Variants in KMT2E observed in about 807,000 individuals in gnomAD.
KMT2E encodes the protein lysine methyltransferase 2E (inactive).
Under a neutral mutation model 184.6 loss-of-function variants are expected in KMT2E, and 30 were observed. The observed-to-expected ratio is 0.16, with a 90% CI of 0.12 to 0.22. The LOEUF is 0.22. KMT2E is among the 10% of genes least tolerant of loss of function. The probability of loss-of-function intolerance (pLI) is 1.00; values close to 1 mark genes in which losing one functional copy is unlikely to be tolerated. For synonymous variants in KMT2E, 815 were observed against 776.5 expected, an observed-to-expected ratio of 1.05 and a Z score of -0.82; for missense variants, 2,023 against 2,237.4, an observed-to-expected ratio of 0.90 and a Z score of 1.93.
intron 11 of KMT2E, 67 bp downstream of exon 11, chr7:105,077,500 TA>T: frequency 8.0e-7 from 1 of 1,255,404 alleles, no homozygotes; most frequent in Non-Finnish European, 1.1e-6. Context: ...CTGTTTTACC[TA>T]GATGTTGTGA....
At chr7:105,060,912 G>A (rs1385474563) in intron 3 of KMT2E, among the ~76,000 whole-genome samples, 1 of 152,130 alleles carries the variant, frequency 6.6e-6, no homozygotes, top group Non-Finnish European at 1.5e-5. Context: ...ATACCATCTA[G>A]GTTTGTGTAA....
rs1277723117 is a variant in KMT2E at position 105,110,841 on chromosome 7, T to G, written c.4041T>G (p.Thr1347=). 6.2e-7 allele frequency: 1 copy of G among 1,613,890 alleles called. No homozygotes were observed. Among genetic ancestry groups the G allele is most frequent in the Admixed American group, 1.7e-5 (1 of 60,020 alleles). The change falls in exon 26 of 27, where the codon ACT becomes ACG. Residue 1347 remains threonine (T), a synonymous_variant. Transcript: ENST00000311117. ...ECPSPDTSQN[T]CKSPPKMSKP... ...CATCCCCAGATACTTCTCAAAATAC[T>G]TGTAAAAGTCCTCCAAAAATGAGCA...
chr7:105,075,204 T>A (rs975009435), intron 8 of KMT2E, among the ~76,000 whole-genome samples: 3 of 150,410 alleles, frequency 2.0e-5, no homozygotes, highest in Non-Finnish European at 4.4e-5. Context: ...TTTTTTTTTT[T>A]AAACCTTGCT....
Position 105,076,037 on chromosome 7 carries a change from T to C in KMT2E, c.730-6T>C. The C allele has an allele frequency of 6.3e-7, 1 of 1,589,360 alleles. No individual in the cohort carries two copies. The highest frequency in any genetic ancestry group is 8.6e-7 in the Non-Finnish European group (1 of 1,158,120). On this transcript the variant is annotated splice_polypyrimidine_tract_variant and splice_region_variant and intron_variant, in intron 8 of 26. Coordinates refer to ENST00000311117, the MANE Select transcript of KMT2E (RefSeq NM_182931.3). ...GAAACTAACTAGAATTCCATGTTTA[T>C]TTTAGGCATTTCGTGAAGGATCTAG...
intron 1 of KMT2E, among the ~76,000 whole-genome samples, chr7:105,016,662 G>A (rs1232287238): frequency 6.6e-6 from 1 of 152,172 alleles, no homozygotes; most frequent in Non-Finnish European, 1.5e-5. Flanking sequence ...AGTGAGATGT[G>A]AGTGGGCCAT....
chr7:105,056,574 T>A (rs549865855), intron 3 of KMT2E, among the ~76,000 whole-genome samples: 3 of 152,254 alleles, frequency 2.0e-5, no homozygotes, highest in African/African-American at 7.2e-5. Context: ...AAATTTCTTT[T>A]ACTAGGGTGA....
intron 3 of KMT2E, among the ~76,000 whole-genome samples, chr7:105,060,161 C>T (rs1796755996): frequency 6.6e-6 from 1 of 151,092 alleles, no homozygotes; most frequent in Admixed American, 6.6e-5. Context: ...CCCCTGCCTA[C>T]TTATTGTATT....
rs552851146 is a variant in KMT2E, at chr7:105,063,432, G to A, written c.268G>A (p.Gly90Ser). 28 of 1,613,754 alleles carry A rather than the reference G, an allele frequency of 1.7e-5. No individual in the cohort carries two copies. Among genetic ancestry groups the A allele is most frequent in the Admixed American group, 3.3e-5 (2 of 59,968 alleles). Reference sequence around the variant, plus strand: ...AGTCCTTATTAGCAAAAATGAAGTAGGCATATTTACCACTCCTAATTTTGA... The same window carrying A: ...AGTCCTTATTAGCAAAAATGAAGTAAGCATATTTACCACTCCTAATTTTGA... ...PSVLISKNEVGIFTTPNFDET... is the reference protein window; with the variant it reads ...PSVLISKNEVSIFTTPNFDET... Residue 90 changes from glycine (G) to serine (S), a missense_variant, in exon 5 of 27, where the codon GGC (glycine) becomes AGC (serine). Around this residue, in one of 8 missense-constraint regions of KMT2E, gnomAD observed 48 missense variants for 51.5 expected, o/e 0.93. Coordinates refer to ENST00000311117, the MANE Select transcript of KMT2E (RefSeq NM_182931.3).
intron 1 of KMT2E, among the ~76,000 whole-genome samples, chr7:105,034,622 C>A (rs1795556135): frequency 6.6e-6 from 1 of 152,088 alleles, no homozygotes; most frequent in Non-Finnish European, 1.5e-5. Flanking sequence ...AGATTTAGTT[C>A]TGTGCATTAT....
chr7:105,099,993 T>C (rs1488192873), intron 15 of KMT2E, among the ~76,000 whole-genome samples: 1 of 152,106 alleles, frequency 6.6e-6, no homozygotes, highest in Non-Finnish European at 1.5e-5. Flanking sequence ...AAATAAGGAA[T>C]TTTGTAAGGA....
intron 13 of KMT2E, among the ~76,000 whole-genome samples, chr7:105,086,927 T>TGCA (rs1797994872): frequency 6.8e-6 from 1 of 146,836 alleles, no homozygotes; most frequent in South Asian, 2.1e-4. Flanking sequence ...ATATATATGC[T>TGCA]ACATATAAGT....
chr7:105,016,746 AAAGGTTG>A (rs1447669957), intron 1 of KMT2E, among the ~76,000 whole-genome samples: 2 of 152,204 alleles, frequency 1.3e-5, no homozygotes, highest in East Asian at 3.8e-4. Context: ...TAGTACTTTA[AAAGGTTG>A]AAGAGTATAC....
At chr7:105,076,918 G>GTGTGTT in intron 9 of KMT2E, 45 bp from the exon 10 acceptor site, 1 of 896,048 alleles carries the variant, frequency 1.1e-6, no homozygotes, top group Non-Finnish European at 1.8e-6. Flanking sequence ...GTGTGTGTGT[G>GTGTGTT]TAAGTCCGTA....
intron 15 of KMT2E, among the ~76,000 whole-genome samples, 198 bp from the exon 16 acceptor site, chr7:105,101,227 G>GGGCTTA (rs979214751): frequency 1.3e-5 from 2 of 151,964 alleles, no homozygotes; most frequent in African/African-American, 4.8e-5. Flanking sequence ...TGCAATAACA[G>GGGCTTA]GGCTTACCAA....
chr7:105,072,745 G>A (rs112586179), intron 6 of KMT2E, among the ~76,000 whole-genome samples: 6 of 151,890 alleles, frequency 4.0e-5, no homozygotes, highest in African/African-American at 4.8e-5. Flanking sequence ...GAGAAACCCC[G>A]TCTCTACTAT....
At chr7:105,029,374 C>T (rs559023422) in intron 1 of KMT2E, among the ~76,000 whole-genome samples, 1 of 152,170 alleles carries the variant, frequency 6.6e-6, no homozygotes, top group Non-Finnish European at 1.5e-5. Flanking sequence ...AGTATATGTT[C>T]AATAAATATG....
intron 5 of KMT2E, 138 bp from the exon 6 acceptor site, chr7:105,066,589 A>G (rs968903580): frequency 3.4e-6 from 2 of 584,466 alleles, no homozygotes; most frequent in Non-Finnish European, 5.9e-6. Flanking sequence ...ACACGTTTCT[A>G]TGAATTTCTC....
chr7:105,041,923 A>G (rs923433316), intron 3 of KMT2E, among the ~76,000 whole-genome samples: 1 of 152,092 alleles, frequency 6.6e-6, no homozygotes, highest in East Asian at 1.9e-4. Context: ...AGGTGCTTTC[A>G]TTTAAGCGTG....
intron 1 of KMT2E, among the ~76,000 whole-genome samples, chr7:105,020,099 C>A (rs1412808460): frequency 2.8e-5 from 4 of 140,582 alleles, no homozygotes; most frequent in Non-Finnish European, 6.1e-5. Context: ...TAGAGTGAGA[C>A]TCTGTCTCAA....
Sources: gnomAD v4.1 joint callset for allele counts (sites outside exome capture counted in the v4.1 genomes callset) on GRCh38, gnomAD v4.1.1 for gene constraint, gnomAD v4.1.1 regional missense constraint, MANE v1.5 for transcripts, NCBI Gene and HGNC (gene_info 2026-07-23, HGNC 2026-07-21) for gene names.